DGCR6L: variants seen among roughly 807,000 people sequenced by gnomAD.
The protein encoded by DGCR6L is DiGeorge syndrome critical region gene 6 like, also known as protein DGCR6L.
Under a neutral mutation model 31.1 loss-of-function variants are expected in DGCR6L, and 24 were observed. That is an observed-to-expected ratio of 0.77 (90% CI 0.56 to 1.08). The LOEUF is 1.08. DGCR6L is among the 50% of genes least tolerant of loss of function. The pLI is 0.00. For missense variants in DGCR6L, 218 were observed against 287.1 expected (o/e 0.76, Z 1.74); for synonymous variants, 104 against 126.1 (o/e 0.82, Z 1.17).
rs369769706 is a variant in DGCR6L at position 20,315,180 on chromosome 22, G to C, written c.513+156C>G. 2.8e-4 allele frequency: 417 copies of C among 1,510,486 alleles called. 9 individuals are homozygous for C. The South Asian group carries it at 4.7e-3, about 17-fold the overall frequency. 93.6% of individuals were successfully genotyped at this position (1,510,486 alleles called of 1,614,324 possible). ...CCTGTAGGGAATGGGCCTGGCCTCC[G>C]TGCTGGGAATGGCACAGAAATCCTT... On this transcript the variant is annotated intron_variant, in intron 4 of 4. Coordinates refer to ENST00000248879, the MANE Select transcript of DGCR6L (RefSeq NM_033257.4).
rs745538906 is a variant in DGCR6L, at chr22:20,315,461, T to G, written c.388A>C (p.Ile130Leu). ...QRELEAVEHR[I>L]REEQRAMDQK... ...TCCATCGCCCGCTGCTCCTCACGGA[T>G]CCGGTGTTCCACGGCCTGCCATGGG... The change falls in exon 4 of 5, where the codon ATC becomes CTC. Residue 130 changes from isoleucine (I) to leucine (L), a missense_variant. Around this residue, in one of 4 missense-constraint regions of DGCR6L, gnomAD observed 78 missense variants for 90.0 expected, o/e 0.87. Coordinates refer to ENST00000248879, the MANE Select transcript of DGCR6L (RefSeq NM_033257.4). The G allele has an allele frequency of 6.2e-7, 1 of 1,613,546 alleles. No homozygotes were observed. Among genetic ancestry groups the G allele is most frequent in the Non-Finnish European group, 8.5e-7 (1 of 1,179,950 alleles).
chr22:20,316,793 A>T (rs2051574772), intron 2 of DGCR6L, among the ~76,000 whole-genome samples: 1 of 152,148 alleles, frequency 6.6e-6, no homozygotes, highest in Non-Finnish European at 1.5e-5. Context: ...TGGGAGGCCC[A>T]AGTTTGGGAT....
chr22:20,319,037 TAAG>T (rs972307745), intron 2 of DGCR6L, among the ~76,000 whole-genome samples: 11 of 152,166 alleles, frequency 7.2e-5, no homozygotes, highest in African/African-American at 2.4e-4. Context: ...ACTTCTAAAA[TAAG>T]AAGTTTGGGA....
chr22:20,314,305 T>G lies in DGCR6L; in HGVS notation c.*370A>C, dbSNP rs1423597644. 1 of 205,624 alleles carries G rather than the reference T, an allele frequency of 4.9e-6. No individual in the cohort carries two copies. Among genetic ancestry groups the G allele is most frequent in the African/African-American group, 2.3e-5 (1 of 43,074 alleles). 12.7% of individuals were successfully genotyped at this position (205,624 alleles called of 1,614,324 possible). ...GGCCACACTGAGGCATCTTTATTTC[T>G]CTGGGTCACACAGAGCTTGGGCCTG... On this transcript the variant is annotated 3_prime_UTR_variant, in exon 5 of 5. Transcript: ENST00000248879.
At chr22:20,315,624 C>T in intron 3 of DGCR6L, 148 bp from the exon 4 acceptor site, 1 of 1,317,750 alleles carries the variant, frequency 7.6e-7, no homozygotes, top group Non-Finnish European at 1.0e-6. Context: ...TCACCACACC[C>T]AGGCCTCTCC....
At chr22:20,318,781 C>T (rs2051587463) in intron 2 of DGCR6L, 1 of 152,162 alleles carries the variant, frequency 6.6e-6, no homozygotes, top group African/African-American at 2.4e-5. Context: ...AGGGAGGGTA[C>T]CCCTGCCATC....
chr22:20,315,598 C>T (rs1281849261), intron 3 of DGCR6L, 122 bp from the exon 4 acceptor site: 3 of 1,430,324 alleles, frequency 2.1e-6, no homozygotes, highest in African/African-American at 2.8e-5. Flanking sequence ...GCAGCTCTGA[C>T]ACCACCGGTG....
At chr22:20,319,565 T>C (rs2051592743) in intron 2 of DGCR6L, 74 bp downstream of exon 2, 2 of 1,566,792 alleles carry the variant, frequency 1.3e-6, no homozygotes, top group Non-Finnish European at 8.6e-7. Context: ...GGAGCTGATC[T>C]GCACAGATAC....
Position 20,316,181 on chromosome 22 carries a change from G to T in DGCR6L, c.310C>A (p.Gln104Lys). 1 of 1,609,464 alleles carries T rather than the reference G, an allele frequency of 6.2e-7. No homozygotes were observed. The highest frequency in any genetic ancestry group is 8.5e-7 in the Non-Finnish European group (1 of 1,179,112). ...AGGTTGTGGGGCCGGCAGGCCTGCT[G>T]GGCTTCCTGGTGCTTCTGCCGCAGC... ...QALRQKHQEA[Q>K]QACRPHNLPV... Residue 104 changes from glutamine to lysine, a missense_variant, in exon 3 of 5, where the codon CAG (glutamine) becomes AAG (lysine). Gln to Lys is a moderately conservative substitution (Grantham distance 53). Transcript: ENST00000248879.
rs768848553 is a variant in DGCR6L at position 20,314,733 on chromosome 22, C to A, written c.605G>T (p.Gly202Val). Residue 202 changes from glycine (G) to valine (V), a missense_variant, in exon 5 of 5, where the codon GGT becomes GTT. Gly to Val is a moderately radical substitution (Grantham distance 109). Coordinates refer to ENST00000248879, the MANE Select transcript of DGCR6L (RefSeq NM_033257.4). ...CTGGGCAGCAGGCGACTGCCAGGGA[C>A]CTCCCAGTCCCAGGGCTGCATTCCC... ...RAGNAALGLG[G>V]PWQSPAAQCD... is the part of the protein sequence containing the mutation. 6.2e-7 allele frequency: 1 copy of A among 1,611,890 alleles called. No homozygotes were observed. The highest frequency in any genetic ancestry group is 8.5e-7 in the Non-Finnish European group (1 of 1,179,570).
At chr22:20,315,293 C>T in intron 4 of DGCR6L, 43 bp downstream of exon 4, 1 of 1,585,046 alleles carries the variant, frequency 6.3e-7, no homozygotes, top group Non-Finnish European at 8.6e-7. Context: ...GGAATGGGGC[C>T]CCGGGGCACT....
chr22:20,316,911 ACTGT>A (rs780369324), intron 2 of DGCR6L, among the ~76,000 whole-genome samples: 51 of 152,334 alleles, frequency 3.3e-4, no homozygotes, highest in African/African-American at 5.3e-4. Context: ...ATGTGTGCAA[ACTGT>A]CTGGTCTGAA....
intron 2 of DGCR6L, among the ~76,000 whole-genome samples, chr22:20,317,525 T>C (rs2051579688): frequency 6.6e-6 from 1 of 152,232 alleles, no homozygotes; most frequent in South Asian, 2.1e-4. Flanking sequence ...GCATGCCTGC[T>C]GCTGGTGGAA....
intron 4 of DGCR6L, 154 bp downstream of exon 4, chr22:20,315,182 G>A: frequency 1.3e-6 from 2 of 1,511,712 alleles, no homozygotes; most frequent in Non-Finnish European, 1.8e-6. Context: ...TGGCCTCCGT[G>A]CTGGGAATGG....
rs370800614 is a variant in DGCR6L at position 20,315,446 on chromosome 22, G to A, written c.403C>T (p.Arg135Trp). ...AGGATGATCTTCTGGTCCATCGCCC[G>A]CTGCTCCTCACGGATCCGGTGTTCC... ...AVEHRIREEQ[R>W]AMDQKIILEL... Residue 135 changes from arginine (R) to tryptophan (W), a missense_variant, in exon 4 of 5, where the codon CGG becomes TGG. Arg to Trp is a moderately radical substitution (Grantham distance 101, BLOSUM62 -3). This residue lies in a region of DGCR6L where 78 missense variants were observed against 90.0 expected (regional missense o/e 0.87). Transcript: ENST00000248879. The A allele has an allele frequency of 2.5e-6, 4 of 1,613,730 alleles. No individual in the cohort carries two copies. Among genetic ancestry groups the A allele is most frequent in the African/African-American group, 1.3e-5 (1 of 75,056 alleles).
rs752656249 is a variant in DGCR6L at position 20,320,035 on chromosome 22, G to A, written c.-47C>T. 1.3e-6 allele frequency: 2 copies of A among 1,486,908 alleles called. No individual in the cohort carries two copies. Among genetic ancestry groups the A allele is most frequent in the Non-Finnish European group, 1.8e-6 (2 of 1,123,922 alleles). The allele number at this position is 1,486,908 out of a possible 1,614,324, so 92.1% of individuals were successfully genotyped here. On this transcript the variant is annotated 5_prime_UTR_variant, in exon 1 of 5. Coordinates refer to ENST00000248879, the MANE Select transcript of DGCR6L (RefSeq NM_033257.4). ...CCGGCGGCGGCGACGAGCTCCCCCA[G>A]CTTCACGACATCCCGAGCGCGGCGC...
At chr22:20,317,675 A>G (rs2051580703) in intron 2 of DGCR6L, among the ~76,000 whole-genome samples, 1 of 152,248 alleles carries the variant, frequency 6.6e-6, no homozygotes, top group Non-Finnish European at 1.5e-5. Flanking sequence ...GAAAACAAGA[A>G]AAGATGAGCC....
chr22:20,316,753 C>T (rs748376519), intron 2 of DGCR6L, among the ~76,000 whole-genome samples: 3 of 152,230 alleles, frequency 2.0e-5, no homozygotes, highest in Non-Finnish European at 4.4e-5. Flanking sequence ...AGCCCCCGCA[C>T]AGCGCCAGAG....
At chr22:20,316,285 T>G in intron 2 of DGCR6L, 66 bp from the exon 3 acceptor site, 3 of 1,547,356 alleles carry the variant, frequency 1.9e-6, no homozygotes, top group Admixed American at 3.9e-5. Context: ...CATGGGCACC[T>G]GCCTTGCCAG....
Sources: gnomAD v4.1 joint callset for allele counts (sites outside exome capture counted in the v4.1 genomes callset) on GRCh38, gnomAD v4.1.1 for gene constraint, gnomAD v4.1.1 regional missense constraint, MANE v1.5 for transcripts, NCBI Gene and HGNC (gene_info 2026-07-23, HGNC 2026-07-21) for gene names.